Variants in DNAH9 observed in about 807,000 individuals in gnomAD.
DNAH9 encodes the protein dynein axonemal heavy chain 9.
In DNAH9, 345 loss-of-function variants were observed where a neutral mutation model predicts 471.6. The observed-to-expected ratio is 0.73, with a 90% confidence interval of 0.67 to 0.80. The LOEUF (loss-of-function observed/expected upper bound fraction) is 0.80. DNAH9 is among the 30% of genes least tolerant of loss of function. The probability of loss-of-function intolerance (pLI) is 0.00; values close to 1 mark genes in which losing one functional copy is unlikely to be tolerated. For synonymous variants in DNAH9, 2,093 were observed against 2,123.6 expected, an observed-to-expected ratio of 0.99 and a Z score of 0.40; for missense variants, 5,407 against 5,609.2, an observed-to-expected ratio of 0.96 and a Z score of 1.15.
At chr17:11,680,051 G>A in intron 18 of DNAH9, 72 bp downstream of exon 18, 8 of 1,212,026 alleles carry the variant, frequency 6.6e-6, no homozygotes, top group Non-Finnish European at 8.3e-6. Flanking sequence ...GGGGTAAAGT[G>A]GGGTACAGCA....
intron 50 of DNAH9, among the ~76,000 whole-genome samples, chr17:11,864,978 T>C (rs919112194): frequency 3.4e-4 from 52 of 152,342 alleles, no homozygotes; most frequent in African/African-American, 1.2e-3. Flanking sequence ...CTTTATCCAA[T>C]TTGCCAGTCT....
intron 28 of DNAH9, among the ~76,000 whole-genome samples, chr17:11,730,812 A>G (rs1326759086): frequency 6.7e-6 from 1 of 150,128 alleles, no homozygotes; most frequent in Non-Finnish European, 1.5e-5. Flanking sequence ...TGATGGTGAT[A>G]ATTATGCTAA....
chr17:11,719,299 A>G, intron 26 of DNAH9, 35 bp from the exon 27 acceptor site: 2 of 1,606,842 alleles, frequency 1.2e-6, no homozygotes, highest in East Asian at 2.2e-5. Context: ...CTGGGCCCCC[A>G]AGAATGATGA....
Position 11,686,110 on chromosome 17 carries a change from C to T in DNAH9, c.3744-3456C>T, listed in dbSNP as rs147783867. On this transcript the variant is annotated intron_variant, in intron 19 of 68. Transcript: ENST00000262442. The stretch of plus-strand genomic sequence containing the variant: ...TGAGACACGTTGAGTTTTATGCTAC[C>T]TGGTGGGTATCAAGGACAGGTATGA... 4.1e-3 allele frequency among the ~76,000 whole-genome samples: 617 copies of T among 152,128 alleles called. 5 individuals carry two copies. Among genetic ancestry groups the T allele is most frequent in the African/African-American group, 0.014 (588 of 41,512 alleles).
In DNAH9 at chr17:11,678,077, A is replaced by T. The variant is rs560189956; in HGVS notation, c.3354-1680A>T. ...TTATTTTATTTTTTTATTTTTTGAG[A>T]TGCAGTCTCGCTCTGTCGCCCAGGC... On this transcript the variant is annotated intron_variant, in intron 17 of 68. Coordinates refer to ENST00000262442, the MANE Select transcript of DNAH9 (RefSeq NM_001372.4). 7.9e-4 allele frequency among the ~76,000 whole-genome samples: 120 copies of T among 151,886 alleles called. 1 individual carries two copies. The highest frequency in any genetic ancestry group is 8.4e-4 in the Non-Finnish European group (57 of 67,986).
chr17:11,930,507 G>A (rs766416924), intron 63 of DNAH9, among the ~76,000 whole-genome samples: 1 of 152,106 alleles, frequency 6.6e-6, no homozygotes, highest in Non-Finnish European at 1.5e-5. Flanking sequence ...AGTATCAAGG[G>A]TTCAAAGAAT....
At chr17:11,636,847 C>T in intron 9 of DNAH9, 63 bp downstream of exon 9, 1 of 1,429,368 alleles carries the variant, frequency 7.0e-7, no homozygotes, top group Non-Finnish European at 9.8e-7. Context: ...CAACTCATTC[C>T]TCTTGTATTT....
intron 20 of DNAH9, among the ~76,000 whole-genome samples, chr17:11,691,640 TGCTCTC>T: frequency 1.3e-5 from 2 of 152,348 alleles, no homozygotes; most frequent in African/African-American, 4.8e-5. Context: ...TTTACATAAT[TGCTCTC>T]AGTGTAATTA....
At chr17:11,663,760 A>G (rs1297348801) in intron 14 of DNAH9, among the ~76,000 whole-genome samples, 1 of 152,244 alleles carries the variant, frequency 6.6e-6, no homozygotes, top group Non-Finnish European at 1.5e-5. Context: ...AAGCAGTCAT[A>G]AACACTAGAA....
In DNAH9 at chr17:11,757,585, TC is replaced by T; in HGVS notation, c.6890del (p.Pro2297GlnfsTer2). On this transcript the variant is annotated frameshift_variant, in exon 35 of 69. Transcript: ENST00000262442. LOFTEE classifies it high-confidence loss of function. ...ACCCGGCAGACTTGGGATGGAACCC[TC>T]CAGTGAGCAGCTGGATTGAGAAGAG... The part of the protein sequence containing the change: ...INPADLGWNP[P>X]VSSWIEKREI... The T allele has an allele frequency of 6.2e-7, 1 of 1,613,912 alleles. No homozygotes were observed. Among genetic ancestry groups the T allele is most frequent in the Non-Finnish European group, 8.5e-7 (1 of 1,179,820 alleles).
chr17:11,900,503 C>CAAA lies in DNAH9; in HGVS notation c.11407-2202_11407-2200dup, dbSNP rs71367356. 3.7e-5 allele frequency among the ~76,000 whole-genome samples: 4 copies of CAAA among 108,126 alleles called. 1 individual carries two copies. Among genetic ancestry groups the CAAA allele is most frequent in the Non-Finnish European group, 5.6e-5 (3 of 53,612 alleles). 70.9% of individuals were successfully genotyped at this position (108,126 alleles called of 152,430 possible). ...TAGCTCTTCTTGATCCTTCCCCTGC[C>CAAA]AAAAAAAAAAAAAAAATTCCCTTTC... On this transcript the variant is annotated intron_variant, in intron 59 of 68. Coordinates refer to ENST00000262442, the MANE Select transcript of DNAH9 (RefSeq NM_001372.4).
chr17:11,794,268 G>A (rs976149412), intron 42 of DNAH9, among the ~76,000 whole-genome samples: 1 of 151,928 alleles, frequency 6.6e-6, no homozygotes, highest in African/African-American at 2.4e-5. Context: ...GTTTCACCAA[G>A]GGTTTCACCG....
intron 35 of DNAH9, among the ~76,000 whole-genome samples, chr17:11,761,028 C>T (rs1967643204): frequency 6.6e-6 from 1 of 152,246 alleles, no homozygotes; most frequent in Admixed American, 6.5e-5. Context: ...ATTGAATAAG[C>T]AGGCCCATAA....
intron 9 of DNAH9, 73 bp downstream of exon 9, chr17:11,636,857 T>C (rs2073176551): frequency 3.6e-6 from 5 of 1,373,672 alleles, no homozygotes; most frequent in Non-Finnish European, 5.2e-6. Context: ...CTCTTGTATT[T>C]GTTAAATGTC....
At chr17:11,717,544 C>T (rs948964898) in intron 26 of DNAH9, among the ~76,000 whole-genome samples, 2 of 152,176 alleles carry the variant, frequency 1.3e-5, no homozygotes, top group Non-Finnish European at 2.9e-5. Flanking sequence ...CACCCCCTCA[C>T]ATGGCCCCGC....
chr17:11,888,243 A>G (rs1972946032), intron 57 of DNAH9, among the ~76,000 whole-genome samples: 1 of 152,106 alleles, frequency 6.6e-6, no homozygotes, highest in South Asian at 2.1e-4. Context: ...CTCGGCCTCC[A>G]AAGTGCTGGG....
At chr17:11,832,239 G>T (rs1970706749) in intron 48 of DNAH9, among the ~76,000 whole-genome samples, 1 of 151,950 alleles carries the variant, frequency 6.6e-6, no homozygotes, top group Non-Finnish European at 1.5e-5. Context: ...CCATGTCATG[G>T]TTTAAGAGCT....
intron 45 of DNAH9, among the ~76,000 whole-genome samples, chr17:11,811,317 TAAA>T (rs1208867924): frequency 7.1e-6 from 1 of 140,962 alleles, no homozygotes; most frequent in Non-Finnish European, 1.6e-5. Context: ...CGTCTCAATT[TAAA>T]AAAAAAAAAA....
intron 67 of DNAH9, among the ~76,000 whole-genome samples, chr17:11,958,619 C>T (rs879713009): frequency 2.6e-5 from 4 of 151,782 alleles, no homozygotes; most frequent in Non-Finnish European, 4.4e-5. Flanking sequence ...ACAAAGGTAC[C>T]GCTCTGGTGG....
Sources: gnomAD v4.1 joint callset for allele counts (sites outside exome capture counted in the v4.1 genomes callset) on GRCh38, gnomAD v4.1.1 for gene constraint, MANE v1.5 for transcripts, NCBI Gene and HGNC (gene_info 2026-07-23, HGNC 2026-07-21) for gene names.